The following UNC80 variants were observed in gnomAD, a reference collection of about 807,000 sequenced individuals.
The protein encoded by UNC80 is unc-80 subunit of NALCN channel complex.
A neutral mutation model predicts 384.6 loss-of-function variants in UNC80; 164 were observed. The ratio of observed to expected loss-of-function variants is 0.43; its 90% CI spans 0.38 to 0.49. The LOEUF (loss-of-function observed/expected upper bound fraction) is 0.49. Among genes scored for constraint, UNC80 ranks in the 20% least tolerant of loss-of-function variants. The pLI is 0.00. For missense variants in UNC80, 3,330 were observed against 4,143.0 expected (o/e 0.80, Z 5.39); for synonymous variants, 1,486 against 1,527.8 (o/e 0.97, Z 0.64).
intron 28 of UNC80, among the ~76,000 whole-genome samples, chr2:209,897,319 C>T (rs760390957): frequency 1.9e-4 from 29 of 152,224 alleles, no homozygotes; most frequent in African/African-American, 7.2e-5. Context: ...AGAAATCCTA[C>T]GCAGGTCCTC....
At chr2:209,882,655 C>A (rs535531182) in intron 25 of UNC80, among the ~76,000 whole-genome samples, 3 of 152,252 alleles carry the variant, frequency 2.0e-5, no homozygotes, top group African/African-American at 7.2e-5. Flanking sequence ...CAAATCAAGG[C>A]CACCACTCAG....
At chr2:209,849,139 G>A (rs116088095) in intron 21 of UNC80, among the ~76,000 whole-genome samples, 1,942 of 152,174 alleles carry the variant, frequency 0.013, 45 homozygotes, top group African/African-American at 0.043. Context: ...ATTACAGGAA[G>A]AATAATTTTA....
At chr2:209,788,304 T>C (rs2077575986) in intron 5 of UNC80, among the ~76,000 whole-genome samples, 1 of 151,538 alleles carries the variant, frequency 6.6e-6, no homozygotes, top group African/African-American at 2.4e-5. Flanking sequence ...TAATCCCAGC[T>C]ACTTGGGAAG....
intron 45 of UNC80, among the ~76,000 whole-genome samples, chr2:209,944,742 A>C (rs532114302): frequency 1.3e-5 from 2 of 152,332 alleles, no homozygotes; most frequent in African/African-American, 4.8e-5. Flanking sequence ...AAATTTTCTT[A>C]GTTCTGCCAT....
intron 38 of UNC80, among the ~76,000 whole-genome samples, chr2:209,931,364 A>AACACACACAC (rs61386739): frequency 0.019 from 2,338 of 125,516 alleles, 49 homozygotes; most frequent in Non-Finnish European, 0.026. Context: ...TCTATGTTTA[A>AACACACACAC]ACACACACAC....
intron 46 of UNC80, 61 bp downstream of exon 46, chr2:209,945,250 T>C: frequency 6.7e-7 from 1 of 1,493,032 alleles, no homozygotes; most frequent in Non-Finnish European, 9.0e-7. Context: ...TATAAATATA[T>C]GTATTATACA....
intron 24 of UNC80, among the ~76,000 whole-genome samples, chr2:209,880,532 T>G (rs2085194611): frequency 6.6e-6 from 1 of 152,236 alleles, no homozygotes; most frequent in African/African-American, 2.4e-5. Flanking sequence ...TCTAGTTCAC[T>G]GCCATATACA....
intron 53 of UNC80, chr2:209,970,255 A>G (rs1407496471): frequency 4.6e-6 from 1 of 218,952 alleles, no homozygotes; most frequent in Non-Finnish European, 9.0e-6. Flanking sequence ...CAAAGAGGAT[A>G]TTTTTCTCTT....
chr2:209,982,510 T>C, intron 60 of UNC80, 193 bp downstream of exon 60: 1 of 583,200 alleles, frequency 1.7e-6, no homozygotes. Context: ...GCCAAGCTAG[T>C]AGAAGGGATC....
intron 29 of UNC80, among the ~76,000 whole-genome samples, chr2:209,911,752 G>C (rs543232383): frequency 3.9e-5 from 6 of 152,130 alleles, no homozygotes; most frequent in Non-Finnish European, 7.4e-5. Flanking sequence ...TGCACAGCCT[G>C]GAGTGCAAAA....
chr2:209,957,616 G>C (rs2092460859), intron 48 of UNC80, 28 bp from the exon 49 acceptor site: 1 of 1,514,416 alleles, frequency 6.6e-7, no homozygotes, highest in Admixed American at 2.0e-5. Context: ...TTGTTGTTTT[G>C]CTGTGGTGAT....
rs1332892485 is a variant in UNC80, at chr2:209,914,907, T to C, written c.5029+967T>C. On this transcript the variant is annotated intron_variant, in intron 31 of 64. Transcript: ENST00000673920. ...TTGTAATTTATTTAAACAAGATCTA[T>C]TGATGAAAATTTAGGTGGAGTTCAG... Among the ~76,000 whole-genome samples the C allele has an allele frequency of 7.2e-5, 11 of 152,194 alleles. 1 individual carries two copies. In the East Asian group the frequency reaches 1.9e-3, roughly 27 times the overall value.
intron 1 of UNC80, 26 bp downstream of exon 1, chr2:209,772,190 G>C: frequency 1.3e-6 from 2 of 1,486,076 alleles, no homozygotes; most frequent in Non-Finnish European, 1.8e-6. Flanking sequence ...GGCGCACCGC[G>C]GGCCGCCCTG....
At chr2:209,889,514 T>G (rs2086135044) in intron 26 of UNC80, among the ~76,000 whole-genome samples, 1 of 152,194 alleles carries the variant, frequency 6.6e-6, no homozygotes, top group African/African-American at 2.4e-5. Flanking sequence ...TTTTTATACT[T>G]TAAGCTCTGG....
At chr2:209,917,003 G>C (rs925950828) in intron 31 of UNC80, among the ~76,000 whole-genome samples, 6 of 152,292 alleles carry the variant, frequency 3.9e-5, no homozygotes, top group African/African-American at 1.2e-4. Context: ...TAAGAGGCTT[G>C]CACAAGATCT....
Position 209,826,526 on chromosome 2 carries a change from T to G in UNC80, c.2478+473T>G, listed in dbSNP as rs1420491299. Among the ~76,000 whole-genome samples the G allele has an allele frequency of 4.6e-5, 7 of 152,190 alleles. No individual in the cohort carries two copies. In the South Asian group the frequency reaches 1.0e-3, roughly 22 times the overall value. On this transcript the variant is annotated intron_variant, in intron 14 of 64. Coordinates refer to ENST00000673920, the MANE Select transcript of UNC80 (RefSeq NM_001371986.1). ...GGCCCTTATTGGGACAAAAGAGGAC[T>G]GTAAAAGTAACCAGTCATTTTCTGG... is the stretch of plus-strand genomic sequence containing the variant.
chr2:209,910,592 G>A (rs2088805733), intron 29 of UNC80, among the ~76,000 whole-genome samples: 1 of 150,406 alleles, frequency 6.6e-6, no homozygotes, highest in South Asian at 2.1e-4. Context: ...TGAGGAACTT[G>A]ACTTATACTT....
intron 49 of UNC80, 72 bp from the exon 50 acceptor site, chr2:209,959,047 C>A: frequency 7.6e-7 from 1 of 1,313,538 alleles, no homozygotes; most frequent in South Asian, 1.3e-5. Context: ...ATATGAAAGT[C>A]GATAAGAAGC....
intron 22 of UNC80, among the ~76,000 whole-genome samples, chr2:209,869,738 T>A (rs10490027): frequency 0.18 from 26,811 of 152,004 alleles, 3,305 homozygotes; most frequent in African/African-American, 0.35. Context: ...ATCAGATAAT[T>A]ACCAACCTCC....
Sources: allele counts gnomAD v4.1 joint callset (sites outside exome capture counted in the v4.1 genomes callset), GRCh38; gene constraint gnomAD v4.1.1; transcripts MANE v1.5; gene names NCBI Gene and HGNC (gene_info 2026-07-23, HGNC 2026-07-21).